DMD: variants seen among roughly 807,000 people sequenced by gnomAD.
DMD encodes dystrophin.
DMD carries 63 observed loss-of-function variants against 330.1 expected under a neutral mutation model. The observed-to-expected ratio is 0.19, with a 90% CI of 0.16 to 0.24. DMD has a LOEUF of 0.24. Among genes scored for constraint, DMD ranks in the 10% least tolerant of loss-of-function variants. The pLI is 1.00. For synonymous variants in DMD, 1,223 were observed against 959.8 expected (o/e 1.27, Z -5.07); for missense variants, 3,344 against 2,684.1 (o/e 1.25, Z -5.43).
chrX:31,904,359 T>C (rs1433287481), intron 47 of DMD, among the ~76,000 whole-genome samples: 1 of 111,550 alleles, frequency 9.0e-6, no homozygotes, highest in African/African-American at 3.3e-5. Context: ...TGGCACTCAG[T>C]GATCTCTGTC....
intron 13 of DMD, among the ~76,000 whole-genome samples, chrX:32,587,882 C>T (rs1050654835): frequency 9.0e-6 from 1 of 111,519 alleles, no homozygotes; most frequent in African/African-American, 3.3e-5. Flanking sequence ...TACCCTTTTA[C>T]CCTTTACAGA....
At chrX:32,522,984 A>G (rs1181328098) in intron 17 of DMD, among the ~76,000 whole-genome samples, 3 of 111,699 alleles carry the variant, frequency 2.7e-5, no homozygotes, top group African/African-American at 9.8e-5. Context: ...TTTGATTTAG[A>G]CTATCTCTAA....
chrX:32,467,039 G>T (rs943614576), intron 23 of DMD, among the ~76,000 whole-genome samples: 1 of 111,893 alleles, frequency 8.9e-6, no homozygotes, highest in Admixed American at 9.5e-5. Context: ...GCCCTCTTAG[G>T]CCACTGGTCT....
intron 67 of DMD, among the ~76,000 whole-genome samples, chrX:31,191,931 G>C (rs1374269565): frequency 1.8e-5 from 2 of 112,404 alleles, no homozygotes; most frequent in African/African-American, 6.5e-5. Context: ...CATTTGGAAA[G>C]ATTTGCTGAA....
intron 55 of DMD, among the ~76,000 whole-genome samples, chrX:31,569,642 GTATATACGTATATATACGTA>G (rs1286782062): frequency 4.1e-5 from 3 of 73,874 alleles, no homozygotes; most frequent in Non-Finnish European, 5.6e-5. Context: ...GTATATATAT[GTATATACGTATATATACGTA>G]TATATACGTA....
chrX:32,820,714 A>G (rs2078170833), intron 5 of DMD, among the ~76,000 whole-genome samples: 1 of 111,549 alleles, frequency 9.0e-6, no homozygotes, highest in African/African-American at 3.3e-5. Context: ...GGATCTGCAA[A>G]CTGGATTCAC....
chrX:32,413,729 T>TC (rs1410751124), intron 29 of DMD, among the ~76,000 whole-genome samples: 2 of 101,201 alleles, frequency 2.0e-5, no homozygotes, highest in Non-Finnish European at 4.0e-5. Context: ...TTTTTTTTTT[T>TC]TTTGAGATGG....
In DMD at chrX:32,554,823, AGGGG is replaced by A. The variant is rs1373978388; in HGVS notation, c.1993-9493_1993-9490del. On this transcript the variant is annotated intron_variant, in intron 16 of 78. Coordinates refer to ENST00000357033, the MANE Select transcript of DMD (RefSeq NM_004006.3). ...CTGGGAGGGAGGGAGGGAGGGAGGG[AGGGG>A]GAGGGAGAGAGAGAGAGAGAGAGAG... 1.1e-3 allele frequency among the ~76,000 whole-genome samples: 5 copies of A among 4,365 alleles called. 1 individual carries two copies. Among genetic ancestry groups the A allele is most frequent in the Non-Finnish European group, 1.6e-3 (5 of 3,170 alleles). The allele number at this position is 4,365 out of a possible 115,157, so 3.8% of individuals were successfully genotyped here. A position where few individuals can be genotyped will look rare whatever the true frequency, so the allele number is the denominator to read the frequency against.
At chrX:31,982,136 A>G (rs2095479868) in intron 44 of DMD, among the ~76,000 whole-genome samples, 1 of 112,318 alleles carries the variant, frequency 8.9e-6, no homozygotes, top group African/African-American at 3.2e-5. Context: ...CTTTTGCAGT[A>G]TGAAAATTGA....
At chrX:32,383,748 G>A (rs183010942) in intron 33 of DMD, among the ~76,000 whole-genome samples, 13 of 110,467 alleles carry the variant, frequency 1.2e-4, no homozygotes, top group African/African-American at 4.2e-4. Context: ...TGTATTTTCA[G>A]GAATAAATAG....
chrX:33,163,720 G>A (rs1777151588), intron 1 of DMD, among the ~76,000 whole-genome samples: 1 of 106,969 alleles, frequency 9.3e-6, no homozygotes, highest in Non-Finnish European at 1.9e-5. Flanking sequence ...AGTGATAAGG[G>A]GACCTCGTAG....
chrX:31,619,658 C>A (rs1271847228), intron 55 of DMD, among the ~76,000 whole-genome samples: 1 of 111,849 alleles, frequency 8.9e-6, no homozygotes, highest in Non-Finnish European at 1.9e-5. Flanking sequence ...CCAATGTGGG[C>A]TTTTCTTTTG....
chrX:31,169,674 G>A, intron 73 of DMD, 73 bp from the exon 74 acceptor site: 3 of 965,660 alleles, frequency 3.1e-6, no homozygotes, highest in African/African-American at 1.9e-5. Flanking sequence ...ACTCAGGAGT[G>A]TATTTGAAAA....
chrX:32,863,575 A>ACACACACACAC (rs746034767), intron 2 of DMD, among the ~76,000 whole-genome samples: 80 of 69,991 alleles, frequency 1.1e-3, no homozygotes, highest in African/African-American at 4.9e-3. Context: ...CACACACACA[A>ACACACACACAC]ATACACACAT....
chrX:32,840,128 G>A (rs2080031173), intron 4 of DMD, among the ~76,000 whole-genome samples: 1 of 112,029 alleles, frequency 8.9e-6, no homozygotes, highest in Admixed American at 9.5e-5. Context: ...CTAACGCATA[G>A]GCCAGCATCT....
chrX:32,360,831 T>TAATAATAATAAAC (rs2097830398), intron 37 of DMD, among the ~76,000 whole-genome samples: 1 of 63,845 alleles, frequency 1.6e-5, no homozygotes, highest in Admixed American at 1.9e-4. Context: ...TAATAATAAA[T>TAATAATAATAAAC]GAATATTCAC....
At chrX:31,707,887 A>G (rs1342260333) in intron 52 of DMD, among the ~76,000 whole-genome samples, 1 of 111,505 alleles carries the variant, frequency 9.0e-6, no homozygotes, top group African/African-American at 3.3e-5. Flanking sequence ...GAAATAAACA[A>G]TGATTGAAAA....
chrX:32,596,308 A>C lies in DMD; in HGVS notation c.1483-432T>G, dbSNP rs114271380. 4.4e-3 allele frequency among the ~76,000 whole-genome samples: 482 copies of C among 110,243 alleles called. 3 individuals are homozygous for C. Among genetic ancestry groups the C allele is most frequent in the African/African-American group, 0.015 (454 of 30,322 alleles). The stretch of plus-strand genomic sequence containing the variant: ...ATGTGTTCCTCTTCACTGAAAAAAA[A>C]AAAAACAAATGTATCCTATAGTTAC... On this transcript the variant is annotated intron_variant, in intron 12 of 78. Transcript: ENST00000357033.
chrX:31,842,316 T>C (rs1025588886), intron 48 of DMD, among the ~76,000 whole-genome samples: 1 of 111,955 alleles, frequency 8.9e-6, no homozygotes, highest in African/African-American at 3.2e-5. Flanking sequence ...AACAAAGTGT[T>C]TTCATGAGAC....
Sources: allele counts gnomAD v4.1 joint callset (sites outside exome capture counted in the v4.1 genomes callset), GRCh38; gene constraint gnomAD v4.1.1; transcripts MANE v1.5; gene names NCBI Gene and HGNC (gene_info 2026-07-23, HGNC 2026-07-21).